Variants in PPRC1 observed in about 807,000 individuals in gnomAD.
PPRC1 encodes PPARG related coactivator 1, also known as peroxisome proliferator-activated receptor gamma coactivator-related protein 1.
Under a neutral mutation model 132.5 loss-of-function variants are expected in PPRC1, and 23 were observed. The observed-to-expected ratio is 0.17, with a 90% CI of 0.12 to 0.25. The LOEUF (loss-of-function observed/expected upper bound fraction) is 0.25, where lower values mean the gene tolerates loss of function less well. Ranked by LOEUF, PPRC1 falls within the 10% of genes least tolerant of loss-of-function variation. PPRC1 has a pLI of 1.00. For synonymous variants in PPRC1, 872 were observed against 833.5 expected, an observed-to-expected ratio of 1.05 and a Z score of -0.80; for missense variants, 2,006 against 2,089.1, an observed-to-expected ratio of 0.96 and a Z score of 0.78.
At chr10:102,120,372 C>T in the PPRC1 span, 1 of 983,982 alleles carries the variant, frequency 1.0e-6, no homozygotes, top group Non-Finnish European at 1.2e-6. Context: ...AGTGTGTGTC[C>T]GTGTGTGCGT....
At chr10:102,125,593 A>C in the PPRC1 span, among the ~76,000 whole-genome samples, 1 of 151,972 alleles carries the variant, frequency 6.6e-6, no homozygotes, top group African/African-American at 2.4e-5. Flanking sequence ...CATTAGTGCA[A>C]GATGGACTCT....
chr10:102,139,234 G>A lies in PPRC1; in HGVS notation c.726G>A (p.Gln242=). The change falls in exon 5 of 14, where the codon CAG becomes CAA. Residue 242 remains glutamine, a synonymous_variant. Coordinates refer to ENST00000278070, the MANE Select transcript of PPRC1 (RefSeq NM_015062.5). ...GGGGCCAATCCCCACCTCCCCAGCAGCGCAGTGATGGAGAAGAAGAGGAGG... is the reference window on the plus strand; with the variant it reads ...GGGGCCAATCCCCACCTCCCCAGCAACGCAGTGATGGAGAAGAAGAGGAGG... ...PRWGQSPPPQ[Q]RSDGEEEEEV... 6.2e-7 allele frequency: 1 copy of A among 1,614,214 alleles called. No homozygotes were observed. Among genetic ancestry groups the A allele is most frequent in the Non-Finnish European group, 8.5e-7 (1 of 1,180,040 alleles).
At chr10:102,120,593 A>G in the PPRC1 span, 1 of 167,434 alleles carries the variant, frequency 6.0e-6, no homozygotes, top group Non-Finnish European at 1.2e-5. Context: ...GCAAGCGACG[A>G]CGTGCGTGCG....
the PPRC1 span, among the ~76,000 whole-genome samples, chr10:102,125,634 T>C: frequency 4.6e-5 from 7 of 151,844 alleles, no homozygotes; most frequent in Admixed American, 2.0e-4. Flanking sequence ...GAGAAGAGAT[T>C]AAGATTAGGA....
chr10:102,139,271 T>G lies in PPRC1; in HGVS notation c.763T>G (p.Phe255Val). ...AGAAGAAGAGGAGGAGGTGGCCAGC[T>G]TCAGTGGCCAGATTCTTGCCGGGGA... Reference protein sequence around the residue: ...DGEEEEEVASFSGQILAGELD... With the variant: ...DGEEEEEVASVSGQILAGELD... Residue 255 changes from phenylalanine (F) to valine (V), a missense_variant, in exon 5 of 14, where the codon TTC becomes GTC. Transcript: ENST00000278070. The G allele has an allele frequency of 6.2e-7, 1 of 1,614,148 alleles. No homozygotes were observed. Among genetic ancestry groups the G allele is most frequent in the Non-Finnish European group, 8.5e-7 (1 of 1,180,016 alleles).
chr10:102,130,753 CAAAAG>C (rs1199056962), upstream of PPRC1, among the ~76,000 whole-genome samples: 1 of 151,564 alleles, frequency 6.6e-6, no homozygotes, highest in Non-Finnish European at 1.5e-5. Flanking sequence ...AAAAACAAAA[CAAAAG>C]AAACAACTAA....
chr10:102,141,611 G>T lies in PPRC1; in HGVS notation c.3103G>T (p.Ala1035Ser). ...PPENVLPLSM[A>S]PPLSLGLPGH... The stretch of plus-strand genomic sequence containing the variant: ...TGAAAATGTACTTCCCTTGTCGATG[G>T]CTCCTCCCCTCAGTCTTGGGCTACC... Residue 1035 changes from alanine to serine, a missense_variant, in exon 5 of 14, where the codon GCT becomes TCT. Ala to Ser is a moderately conservative substitution (Grantham distance 99, BLOSUM62 1). Around this residue, in one of 2 missense-constraint regions of PPRC1, gnomAD observed 1,914 missense variants for 1,917.2 expected, o/e 1.00. Transcript: ENST00000278070. 1 of 1,614,114 alleles carries T rather than the reference G, an allele frequency of 6.2e-7. No homozygotes were observed. The highest frequency in any genetic ancestry group is 8.5e-7 in the Non-Finnish European group (1 of 1,180,034).
chr10:102,134,644 G>C (rs960465384), intron 1 of PPRC1, among the ~76,000 whole-genome samples: 13 of 152,188 alleles, frequency 8.5e-5, no homozygotes, highest in Non-Finnish European at 1.5e-4. Flanking sequence ...GAATTTGGGA[G>C]CGCTGATCCC....
At chr10:102,147,933 G>A (rs137998123) in intron 9 of PPRC1, among the ~76,000 whole-genome samples, 6 of 152,206 alleles carry the variant, frequency 3.9e-5, no homozygotes, top group African/African-American at 1.4e-4. Context: ...CATACTACAA[G>A]TCTAGCAGTT....
In PPRC1 at chr10:102,141,706, G is replaced by T. The variant is rs147391687; in HGVS notation, c.3198G>T (p.Pro1066=). 65 of 1,613,770 alleles carry T rather than the reference G, an allele frequency of 4.0e-5. No individual in the cohort carries two copies. The highest frequency in any genetic ancestry group is 5.4e-5 in the Non-Finnish European group (64 of 1,179,892). The change falls in exon 5 of 14, where the codon CCG becomes CCT. Residue 1066 remains proline, a synonymous_variant. Transcript: ENST00000278070. ...EVKPVPASPH[P]KHKVSALVQS... ...AGCCAGTGCCTGCATCTCCCCATCC[G>T]AAACACAAGGTGTCTGCCCTGGTGC...
chr10:102,133,329 G>GT, intron 1 of PPRC1, 108 bp downstream of exon 1: 1 of 1,032,006 alleles, frequency 9.7e-7, no homozygotes, highest in African/African-American at 1.7e-5. Context: ...TCGATGCCGG[G>GT]TGGCCGCGGG....
chr10:102,141,715 G>A lies in PPRC1; in HGVS notation c.3207G>A (p.Lys1069=). 1 of 1,613,972 alleles carries A rather than the reference G, an allele frequency of 6.2e-7. No homozygotes were observed. Among genetic ancestry groups the A allele is most frequent in the African/African-American group, 1.3e-5 (1 of 75,032 alleles). Residue 1069 remains lysine, a synonymous_variant, in exon 5 of 14, where the codon AAG becomes AAA. Coordinates refer to ENST00000278070, the MANE Select transcript of PPRC1 (RefSeq NM_015062.5). ...PVPASPHPKH[K]VSALVQSPQM... ...CTGCATCTCCCCATCCGAAACACAA[G>A]GTGTCTGCCCTGGTGCAAAGTCCCC...
At chr10:102,121,641 T>C in the PPRC1 span, among the ~76,000 whole-genome samples, 1 of 151,974 alleles carries the variant, frequency 6.6e-6, no homozygotes, top group East Asian at 1.9e-4. Context: ...CCGCCTGGAG[T>C]AGAGAGTTGA....
upstream of PPRC1, among the ~76,000 whole-genome samples, chr10:102,131,312 TG>T (rs1402091832): frequency 5.3e-5 from 8 of 151,884 alleles, no homozygotes; most frequent in South Asian, 1.2e-3. Flanking sequence ...AGCTATGCTA[TG>T]ATCTGCCACG....
At chr10:102,135,906 A>G (rs933206632) in intron 1 of PPRC1, among the ~76,000 whole-genome samples, 1 of 152,088 alleles carries the variant, frequency 6.6e-6, no homozygotes, top group Non-Finnish European at 1.5e-5. Flanking sequence ...CACTCGGATG[A>G]TCTTGGTACT....
At chr10:102,125,086 A>ATTAT in the PPRC1 span, among the ~76,000 whole-genome samples, 6 of 151,424 alleles carry the variant, frequency 4.0e-5, no homozygotes, top group South Asian at 2.1e-4. Context: ...AGCCTCTAGT[A>ATTAT]TTATTTATTT....
rs768257563 is a variant in PPRC1, at chr10:102,139,960, C to T, written c.1452C>T (p.Arg484=). 38 of 1,614,090 alleles carry T rather than the reference C, an allele frequency of 2.4e-5. No homozygotes were observed. The highest frequency in any genetic ancestry group is 1.8e-4 in the Admixed American group (11 of 59,996). The stretch of plus-strand genomic sequence containing the variant: ...CCAGGAGGCTGAGGTCATCTTCTCG[C>T]GGGCAGTCTACTGTAGGTACAGAAG... ...GYARRLRSSS[R]GQSTVGTEVT... Residue 484 remains arginine, a synonymous_variant, in exon 5 of 14, where the codon CGC becomes CGT. Coordinates refer to ENST00000278070, the MANE Select transcript of PPRC1 (RefSeq NM_015062.5).
chr10:102,133,063 G>C lies in PPRC1; in HGVS notation c.-6G>C. The C allele has an allele frequency of 8.1e-7, 1 of 1,241,306 alleles. No homozygotes were observed. The highest frequency in any genetic ancestry group is 1.0e-6 in the Non-Finnish European group (1 of 987,918). The allele number at this position is 1,241,306 out of a possible 1,614,324, so 76.9% of individuals were successfully genotyped here. On this transcript the variant is annotated 5_prime_UTR_variant, in exon 1 of 14. Transcript: ENST00000278070. ...TCAGAGCAGCGCTGGGTGTTCAGGG[G>C]CCAAGATGGCGGCGCGCCGGGGACG...
chr10:102,139,411 C>A lies in PPRC1; in HGVS notation c.903C>A (p.Ser301Arg). 5 of 1,614,258 alleles carry A rather than the reference C, an allele frequency of 3.1e-6. No individual in the cohort carries two copies. Among genetic ancestry groups the A allele is most frequent in the Non-Finnish European group, 4.2e-6 (5 of 1,180,048 alleles). The change falls in exon 5 of 14, where the codon AGC becomes AGA. Residue 301 changes from serine (S) to arginine (R), a missense_variant. Ser to Arg is a moderately radical substitution (Grantham distance 110). Coordinates refer to ENST00000278070, the MANE Select transcript of PPRC1 (RefSeq NM_015062.5). Reference sequence around the variant, plus strand: ...CAGTGCCAGCAGCTGGTGATGAGAGCATCTCCTCCCTGAGTGAGCTGGTGC... The same window carrying A: ...CAGTGCCAGCAGCTGGTGATGAGAGAATCTCCTCCCTGAGTGAGCTGGTGC... ...EMAVPAAGDE[S>R]ISSLSELVRA... is the part of the protein sequence containing the mutation.
Sources: allele counts gnomAD v4.1 joint callset (sites outside exome capture counted in the v4.1 genomes callset), GRCh38; gene constraint gnomAD v4.1.1; regional missense constraint gnomAD v4.1.1; transcripts MANE v1.5; gene names NCBI Gene and HGNC (gene_info 2026-07-23, HGNC 2026-07-21).